Variants in SLCO6A1 observed in about 807,000 individuals in gnomAD.
The protein encoded by SLCO6A1 is solute carrier organic anion transporter family member 6A1, also known as cancer/testis antigen 48.
A neutral mutation model predicts 72.7 loss-of-function variants in SLCO6A1; 65 were observed. That is an observed-to-expected ratio of 0.89 (90% CI 0.73 to 1.10). The LOEUF is 1.10. Ranked by LOEUF, SLCO6A1 falls within the 50% of genes least tolerant of loss-of-function variation. The pLI is 0.00. For synonymous variants in SLCO6A1, 314 were observed against 298.2 expected, an observed-to-expected ratio of 1.05 and a Z score of -0.55; for missense variants, 874 against 872.6, an observed-to-expected ratio of 1.00 and a Z score of -0.02.
intron 12 of SLCO6A1, among the ~76,000 whole-genome samples, chr5:102,375,813 A>G (rs921410577): frequency 6.6e-6 from 1 of 152,126 alleles, no homozygotes; most frequent in Non-Finnish European, 1.5e-5. Flanking sequence ...GATCACACAT[A>G]TATTAAATAG....
At chr5:102,397,500 T>C (rs933793748) in intron 10 of SLCO6A1, among the ~76,000 whole-genome samples, 9 of 152,180 alleles carry the variant, frequency 5.9e-5, no homozygotes, top group African/African-American at 2.2e-4. Flanking sequence ...TCAGAGGTTA[T>C]ATGCATTCAT....
intron 9 of SLCO6A1, among the ~76,000 whole-genome samples, chr5:102,408,811 T>C (rs769631349): frequency 2.0e-5 from 3 of 152,082 alleles, no homozygotes; most frequent in Non-Finnish European, 4.4e-5. Flanking sequence ...AAAATACATA[T>C]TAAAAATAAC....
intron 4 of SLCO6A1, among the ~76,000 whole-genome samples, chr5:102,468,509 C>T (rs1323789191): frequency 1.3e-5 from 2 of 151,960 alleles, no homozygotes; most frequent in African/African-American, 2.4e-5. Context: ...AATTTAGGAG[C>T]TCCAGCATTA....
chr5:102,424,916 C>G (rs765696889), intron 7 of SLCO6A1, among the ~76,000 whole-genome samples: 1 of 152,118 alleles, frequency 6.6e-6, no homozygotes, highest in Non-Finnish European at 1.5e-5. Flanking sequence ...GAAAGCTTAT[C>G]CACCATAATC....
intron 1 of SLCO6A1, among the ~76,000 whole-genome samples, chr5:102,497,426 G>A (rs1205711673): frequency 6.6e-6 from 1 of 152,136 alleles, no homozygotes; most frequent in Non-Finnish European, 1.5e-5. Flanking sequence ...ACTTCTCAGA[G>A]TTGGTGACCA....
chr5:102,494,972 CA>C (rs1238624651), intron 1 of SLCO6A1, among the ~76,000 whole-genome samples: 4 of 151,828 alleles, frequency 2.6e-5, no homozygotes, highest in Non-Finnish European at 4.4e-5. Context: ...TTATAGTAGT[CA>C]AAAAAATATA....
At chr5:102,382,426 C>G (rs1280697120) in intron 12 of SLCO6A1, among the ~76,000 whole-genome samples, 1 of 151,060 alleles carries the variant, frequency 6.6e-6, no homozygotes, top group Non-Finnish European at 1.5e-5. Flanking sequence ...ACGCTTTCAG[C>G]TTTGTTCATT....
intron 4 of SLCO6A1, among the ~76,000 whole-genome samples, chr5:102,466,707 C>T (rs1437876444): frequency 6.6e-6 from 1 of 151,774 alleles, no homozygotes; most frequent in African/African-American, 2.4e-5. Context: ...TTCTTAATAG[C>T]CATTGTGACT....
In SLCO6A1 at chr5:102,419,901, A is replaced by C. The variant is rs756721339; in HGVS notation, c.1397T>G (p.Leu466Arg). The C allele has an allele frequency of 6.2e-7, 1 of 1,609,104 alleles. No homozygotes were observed. Among genetic ancestry groups the C allele is most frequent in the Admixed American group, 1.7e-5 (1 of 58,744 alleles). Residue 466 changes from leucine (L) to arginine (R), a missense_variant, in exon 8 of 14, where the codon CTT becomes CGT. Transcript: ENST00000506729. ...RFIMVTSVIS[L>R]ILLVFIIFVR... ...AAAAATAATAAACACAAGCAGTATAAGTGATATCACAGATGTAACCATTAT... is the reference window on the plus strand; with the variant it reads ...AAAAATAATAAACACAAGCAGTATACGTGATATCACAGATGTAACCATTAT...
chr5:102,393,929 C>A (rs1746913801), intron 10 of SLCO6A1, among the ~76,000 whole-genome samples: 1 of 152,152 alleles, frequency 6.6e-6, no homozygotes, highest in Admixed American at 6.5e-5. Flanking sequence ...CAGCAAATTT[C>A]TCAAGAAGAA....
At chr5:102,429,944 G>C (rs942338209) in intron 7 of SLCO6A1, among the ~76,000 whole-genome samples, 3 of 152,076 alleles carry the variant, frequency 2.0e-5, no homozygotes, top group African/African-American at 7.2e-5. Flanking sequence ...TAAGCATGGA[G>C]TGTTTTCCCA....
chr5:102,458,636 A>G, intron 5 of SLCO6A1, 145 bp from the exon 6 acceptor site: 1 of 592,840 alleles, frequency 1.7e-6, no homozygotes, highest in Non-Finnish European at 3.0e-6. Context: ...CAATCTCATT[A>G]ATTAAAAGAC....
chr5:102,441,670 C>T (rs1016999979), intron 6 of SLCO6A1, among the ~76,000 whole-genome samples: 1 of 152,004 alleles, frequency 6.6e-6, no homozygotes, highest in African/African-American at 2.4e-5. Context: ...ATTGTCATTT[C>T]AAACATTAAC....
intron 11 of SLCO6A1, 146 bp downstream of exon 11, chr5:102,390,835 G>T: frequency 3.3e-6 from 2 of 608,734 alleles, no homozygotes; most frequent in East Asian, 2.9e-5. Flanking sequence ...TCTTTACATT[G>T]TCTCCTAAAT....
At chr5:102,431,549 T>C (rs2112656103) in intron 7 of SLCO6A1, among the ~76,000 whole-genome samples, 1 of 152,274 alleles carries the variant, frequency 6.6e-6, no homozygotes, top group South Asian at 2.1e-4. Flanking sequence ...TTCTGAGCAA[T>C]TTAATTAGTC....
chr5:102,420,264 G>A (rs532746137), intron 7 of SLCO6A1, among the ~76,000 whole-genome samples: 10 of 152,296 alleles, frequency 6.6e-5, no homozygotes, highest in East Asian at 3.9e-4. Flanking sequence ...TGAAGTTTTG[G>A]TCCTTTATAG....
intron 12 of SLCO6A1, among the ~76,000 whole-genome samples, chr5:102,380,073 A>G (rs542446414): frequency 6.6e-6 from 1 of 152,094 alleles, no homozygotes; most frequent in Admixed American, 6.5e-5. Context: ...ATATTTAGCA[A>G]CTTTGCTGAA....
Position 102,498,632 on chromosome 5 carries a change from C to T in SLCO6A1, c.213G>A (p.Lys71=). 6.2e-7 allele frequency: 1 copy of T among 1,614,238 alleles called. No individual in the cohort carries two copies. The highest frequency in any genetic ancestry group is 8.5e-7 in the Non-Finnish European group (1 of 1,180,048). The change falls in exon 1 of 14, where the codon AAG becomes AAA. Residue 71 remains lysine (K), a synonymous_variant. Transcript: ENST00000506729. ...FGGFRKRKKA[K]SSVSKKPGEV... ...CTCCCGGCTTCTTGGAAACTGAGGA[C>T]TTGGCTTTTTTCCTTTTTCGGAAAC...
At chr5:102,480,770 T>C (rs1007472512) in intron 1 of SLCO6A1, among the ~76,000 whole-genome samples, 2 of 151,944 alleles carry the variant, frequency 1.3e-5, no homozygotes, top group Admixed American at 6.6e-5. Context: ...ATTACTAATA[T>C]AATATTTATT....
Sources: gnomAD v4.1 joint callset for allele counts (sites outside exome capture counted in the v4.1 genomes callset) on GRCh38, gnomAD v4.1.1 for gene constraint, MANE v1.5 for transcripts, NCBI Gene and HGNC (gene_info 2026-07-23, HGNC 2026-07-21) for gene names.